Variants in SUFU observed in about 807,000 individuals in gnomAD.
The protein encoded by SUFU is SUFU negative regulator of hedgehog signaling.
Under a neutral mutation model 58.9 loss-of-function variants are expected in SUFU, and 7 were observed. The ratio of observed to expected loss-of-function variants is 0.12; its 90% CI spans 0.07 to 0.22. SUFU has a LOEUF of 0.22. SUFU is among the 10% of genes least tolerant of loss of function. The pLI, the probability that SUFU is intolerant of heterozygous loss-of-function variation, is 1.00. For synonymous variants in SUFU, 232 were observed against 254.8 expected, an observed-to-expected ratio of 0.91 and a Z score of 0.85; for missense variants, 451 against 641.3, an observed-to-expected ratio of 0.70 and a Z score of 3.20.
chr10:102,619,462 A>C lies in SUFU; in HGVS notation c.1296+2034A>C, dbSNP rs1045913464. The C allele has an allele frequency of 1.8e-5, 23 of 1,272,312 alleles. No individual in the cohort carries two copies. Among genetic ancestry groups the C allele is most frequent in the Non-Finnish European group, 2.2e-5 (22 of 999,880 alleles). The allele number at this position is 1,272,312 out of a possible 1,614,324, so 78.8% of individuals were successfully genotyped here. ...AAAGTTGCTGTGCTGGGAGCTACTC[A>C]ATCAAAGGCCTGTGTTATGGGCTCA... On this transcript the variant is annotated intron_variant, in intron 10 of 11. Transcript: ENST00000369902. The surrounding 1 kb of genome is among the most constrained non-coding windows in gnomAD (Gnocchi z 4.2).
chr10:102,556,535 G>T (rs988439785), intron 3 of SUFU, among the ~76,000 whole-genome samples: 6 of 152,068 alleles, frequency 3.9e-5, no homozygotes, highest in Admixed American at 1.3e-4. Flanking sequence ...CTGAGGTCAG[G>T]AGTTTGAGAC....
Position 102,568,945 on chromosome 10 carries a change from T to TATATATAC in SUFU, c.454+18846_454+18847insCATATATA, listed in dbSNP as rs2063132056. On this transcript the variant is annotated intron_variant, in intron 3 of 11. Transcript: ENST00000369902. Reference sequence around the variant, plus strand: ...ACACATATATATATATATATATATATATATATATATATATATATCTATAGC... The same window carrying TATATATAC: ...ACACATATATATATATATATATATATATATATACATATATATATATATATATCTATAGC... Among the ~76,000 whole-genome samples, 7 of 74,660 alleles carry TATATATAC rather than the reference T, an allele frequency of 9.4e-5. No individual in the cohort carries two copies. The South Asian group carries it at 4.2e-3, about 45-fold the overall frequency. 49.0% of individuals were successfully genotyped at this position (74,660 alleles called of 152,430 possible).
At chr10:102,527,416 A>G (rs2062623194) in intron 2 of SUFU, among the ~76,000 whole-genome samples, 2 of 152,108 alleles carry the variant, frequency 1.3e-5, no homozygotes, top group Non-Finnish European at 2.9e-5. Flanking sequence ...TAGTATGAAG[A>G]CAGGAGAACT....
chr10:102,572,663 C>T (rs1013048974), intron 3 of SUFU: 1 of 560,330 alleles, frequency 1.8e-6, no homozygotes, highest in Non-Finnish European at 3.3e-6. Flanking sequence ...GCTGAGATTA[C>T]AGGTGTGAGT....
rs1202247963 is a variant in SUFU, at chr10:102,617,759, T to C, written c.1296+331T>C. 14 of 554,182 alleles carry C rather than the reference T, an allele frequency of 2.5e-5. No individual in the cohort carries two copies. The highest frequency in any genetic ancestry group is 4.4e-5 in the Non-Finnish European group (14 of 314,834). The allele number at this position is 554,182 out of a possible 1,614,324, so 34.3% of individuals were successfully genotyped here. ...TTTCTGCACCTTGGGTAAACCAAGG[T>C]ACAAGAACTCAAGGATGAAGCAAGA... On this transcript the variant is annotated intron_variant, in intron 10 of 11. Transcript: ENST00000369902. The surrounding 1 kb of genome is among the most constrained non-coding windows in gnomAD (Gnocchi z 4.4).
At chr10:102,616,835 T>G (rs1327570140) in intron 9 of SUFU, among the ~76,000 whole-genome samples, 1 of 152,210 alleles carries the variant, frequency 6.6e-6, no homozygotes, top group Non-Finnish European at 1.5e-5. Context: ...CCCTGGACAC[T>G]GAAGGGTCCC....
intron 3 of SUFU, among the ~76,000 whole-genome samples, chr10:102,592,105 T>C (rs987277800): frequency 6.6e-6 from 1 of 152,230 alleles, no homozygotes; most frequent in Non-Finnish European, 1.5e-5. Context: ...CAAGGTTCGA[T>C]GTTTCCTTCT....
Position 102,630,582 on chromosome 10 carries a change from T to C in SUFU, c.*427T>C. ...GTGGATGCACTTCCCAGCTCATCTC[T>C]GGAAGCCTTTGCTACTCAAGCTCCT... is the stretch of plus-strand genomic sequence containing the variant. On this transcript the variant is annotated 3_prime_UTR_variant, in exon 12 of 12. Coordinates refer to ENST00000369902, the MANE Select transcript of SUFU (RefSeq NM_016169.4). 2.9e-6 allele frequency: 1 copy of C among 346,182 alleles called. No individual in the cohort carries two copies. Among genetic ancestry groups the C allele is most frequent in the African/African-American group, 2.0e-5 (1 of 49,894 alleles). The allele number at this position is 346,182 out of a possible 1,614,324, so 21.4% of individuals were successfully genotyped here.
intron 2 of SUFU, among the ~76,000 whole-genome samples, chr10:102,533,439 T>A (rs1266417855): frequency 6.7e-6 from 1 of 149,376 alleles, no homozygotes; most frequent in African/African-American, 2.5e-5. Context: ...CCAAGCATGG[T>A]GGCCTGTGCT....
chr10:102,622,931 C>T lies in SUFU; in HGVS notation c.1297-4244C>T, dbSNP rs575403980. The stretch of plus-strand genomic sequence containing the variant: ...ACTTGAACCCAGGAGGCAGAGGTTG[C>T]GGTGAGTTGAGATCGTGCCATTGCA... On this transcript the variant is annotated intron_variant, in intron 10 of 11. Coordinates refer to ENST00000369902, the MANE Select transcript of SUFU (RefSeq NM_016169.4). Among the ~76,000 whole-genome samples, 68 of 130,808 alleles carry T rather than the reference C, an allele frequency of 5.2e-4. No individual in the cohort carries two copies. In the South Asian group the frequency reaches 0.01, roughly 20 times the overall value. 85.8% of individuals were successfully genotyped at this position (130,808 alleles called of 152,430 possible). A position where few individuals can be genotyped will look rare whatever the true frequency, so the allele number is the denominator to read the frequency against.
intron 3 of SUFU, among the ~76,000 whole-genome samples, chr10:102,552,954 G>C (rs2062933722): frequency 6.6e-6 from 1 of 152,178 alleles, no homozygotes; most frequent in South Asian, 2.1e-4. Context: ...AGTTGTGGCT[G>C]TTTGTTGAGT....
At chr10:102,563,214 A>G (rs959811320) in intron 3 of SUFU, among the ~76,000 whole-genome samples, 2 of 152,232 alleles carry the variant, frequency 1.3e-5, no homozygotes, top group African/African-American at 4.8e-5. Flanking sequence ...TGCCTGCGAC[A>G]TACCAGAGGC....
At chr10:102,622,866 C>T (rs1006310026) in intron 10 of SUFU, among the ~76,000 whole-genome samples, 1 of 151,706 alleles carries the variant, frequency 6.6e-6, no homozygotes, top group Non-Finnish European at 1.5e-5. Context: ...TGGCACATGC[C>T]TGTAATCCCA....
intron 3 of SUFU, among the ~76,000 whole-genome samples, chr10:102,569,611 C>A (rs1056639793): frequency 6.6e-6 from 1 of 152,184 alleles, no homozygotes; most frequent in Non-Finnish European, 1.5e-5. Context: ...AATCAAATCA[C>A]CCAAAATTGG....
chr10:102,576,469 A>C (rs918108628), intron 3 of SUFU, among the ~76,000 whole-genome samples: 1 of 152,098 alleles, frequency 6.6e-6, no homozygotes, highest in African/African-American at 2.4e-5. Context: ...ATAAACCATA[A>C]TTTAACTATT....
At chr10:102,547,984 C>T (rs1457157849) in intron 2 of SUFU, among the ~76,000 whole-genome samples, 3 of 151,682 alleles carry the variant, frequency 2.0e-5, no homozygotes, top group African/African-American at 7.3e-5. Flanking sequence ...GACTTTATCT[C>T]TACTAAAAAA....
intron 3 of SUFU, among the ~76,000 whole-genome samples, chr10:102,566,835 C>G (rs1041234775): frequency 6.9e-6 from 1 of 145,826 alleles, no homozygotes; most frequent in African/African-American, 2.5e-5. Flanking sequence ...GTCCCAGCTA[C>G]TCAGGAGGCT....
intron 10 of SUFU, among the ~76,000 whole-genome samples, chr10:102,624,809 T>C (rs917012189): frequency 6.6e-6 from 1 of 152,218 alleles, no homozygotes; most frequent in African/African-American, 2.4e-5. Flanking sequence ...AGAATAACTC[T>C]GGCGTCTCAC....
chr10:102,556,364 A>G (rs2062977337), intron 3 of SUFU, among the ~76,000 whole-genome samples: 1 of 152,252 alleles, frequency 6.6e-6, no homozygotes, highest in Non-Finnish European at 1.5e-5. Flanking sequence ...AGATCTGAGA[A>G]TGAAGAGCAT....
Sources: gnomAD v4.1 joint callset for allele counts (sites outside exome capture counted in the v4.1 genomes callset) on GRCh38, gnomAD v4.1.1 for gene constraint, Gnocchi (gnomAD v3.1) non-coding constraint, MANE v1.5 for transcripts, NCBI Gene and HGNC (gene_info 2026-07-23, HGNC 2026-07-21) for gene names.